ST3GAL1: variants seen among roughly 807,000 people sequenced by gnomAD.
ST3GAL1 encodes the protein ST3 beta-galactoside alpha-2,3-sialyltransferase 1, also known as CMP-N-acetylneuraminate-beta-galactosamide-alpha-2,3-sialyltransferase 1.
ST3GAL1 carries 16 observed loss-of-function variants against 34.1 expected under a neutral mutation model. The ratio of observed to expected loss-of-function variants is 0.47; its 90% CI spans 0.32 to 0.71. ST3GAL1 has a LOEUF of 0.71. Among genes scored for constraint, ST3GAL1 ranks in the 30% least tolerant of loss-of-function variants. ST3GAL1 has a pLI of 0.04. For synonymous variants in ST3GAL1, 191 were observed against 184.7 expected, an observed-to-expected ratio of 1.03 and a Z score of -0.28; for missense variants, 353 against 447.4, an observed-to-expected ratio of 0.79 and a Z score of 1.90.
rs1416929270 is a variant in ST3GAL1 at position 133,531,594 on chromosome 8, G to T, written c.-429+14180C>A. Reference sequence around the variant, plus strand: ...TGACCCCAGGCAGCCTGCTTAAAAAGCCATGTTCTTCTCCAGTGAAAACAC... The same window carrying T: ...TGACCCCAGGCAGCCTGCTTAAAAATCCATGTTCTTCTCCAGTGAAAACAC... On this transcript the variant is annotated intron_variant, in intron 2 of 9. Coordinates refer to ENST00000522652, the MANE Select transcript of ST3GAL1 (RefSeq NM_173344.3). Among the ~76,000 whole-genome samples the T allele has an allele frequency of 2.0e-5, 3 of 152,036 alleles. No homozygotes were observed. In the East Asian group the frequency reaches 5.8e-4, roughly 29 times the overall value.
chr8:133,548,499 GC>G (rs1405620360), intron 1 of ST3GAL1, among the ~76,000 whole-genome samples: 2 of 152,244 alleles, frequency 1.3e-5, no homozygotes, highest in African/African-American at 2.4e-5. Context: ...GGGCATGTCT[GC>G]CCTACATACC....
At chr8:133,507,382 G>A (rs1045972861) in intron 2 of ST3GAL1, among the ~76,000 whole-genome samples, 1 of 152,254 alleles carries the variant, frequency 6.6e-6, no homozygotes, top group Non-Finnish European at 1.5e-5. Context: ...CACAACCCAC[G>A]CCCATGGCGA....
chr8:133,538,744 A>G (rs951503161), intron 2 of ST3GAL1, among the ~76,000 whole-genome samples: 1 of 152,180 alleles, frequency 6.6e-6, no homozygotes, highest in Admixed American at 6.5e-5. Context: ...ATATTATTCC[A>G]TTCTGCGGCT....
chr8:133,519,655 A>C (rs1817744775), intron 2 of ST3GAL1, among the ~76,000 whole-genome samples: 1 of 152,178 alleles, frequency 6.6e-6, no homozygotes, highest in Admixed American at 6.5e-5. Flanking sequence ...TTAAGAACTC[A>C]GTAAAGGAGG....
Position 133,457,751 on chromosome 8 carries a change from G to C in ST3GAL1, c.*2013C>G, listed in dbSNP as rs1372967720. The C allele has an allele frequency of 1.3e-5, 2 of 152,120 alleles. No individual in the cohort carries two copies. The highest frequency in any genetic ancestry group is 2.9e-5 in the Non-Finnish European group (2 of 68,042). 9.4% of individuals were successfully genotyped at this position (152,120 alleles called of 1,614,324 possible). A position where few individuals can be genotyped will look rare whatever the true frequency, so the allele number is the denominator to read the frequency against. ...AACCAAACTTGGCACGCAACTTCCG[G>C]GGACTCTTGTGAATGGCCTGAAGCC... is the stretch of plus-strand genomic sequence containing the variant. On this transcript the variant is annotated 3_prime_UTR_variant, in exon 10 of 10. Transcript: ENST00000522652.
chr8:133,476,238 C>T (rs942389985), intron 4 of ST3GAL1, 40 bp downstream of exon 4: 42 of 491,786 alleles, frequency 8.5e-5, no homozygotes, highest in African/African-American at 6.8e-4. Flanking sequence ...GGTAGACCAA[C>T]GCCATTCGTG....
chr8:133,524,969 C>T (rs1459917956), intron 2 of ST3GAL1, among the ~76,000 whole-genome samples: 1 of 152,258 alleles, frequency 6.6e-6, no homozygotes, highest in African/African-American at 2.4e-5. Context: ...CAGCTCTTCT[C>T]TCCTTCTTGT....
intron 3 of ST3GAL1, among the ~76,000 whole-genome samples, chr8:133,484,243 A>G (rs1816498169): frequency 6.6e-6 from 1 of 152,156 alleles, no homozygotes; most frequent in South Asian, 2.1e-4. Flanking sequence ...CGTCTACCTC[A>G]TCAGGCTCAG....
At chr8:133,535,556 G>A (rs1366741676) in intron 2 of ST3GAL1, among the ~76,000 whole-genome samples, 2 of 137,924 alleles carry the variant, frequency 1.5e-5, no homozygotes, top group African/African-American at 7.0e-5. Flanking sequence ...GTCTCGCTCT[G>A]TCAAGTTCTG....
At chr8:133,564,649 T>A (rs1031438804) in intron 1 of ST3GAL1, among the ~76,000 whole-genome samples, 10 of 152,202 alleles carry the variant, frequency 6.6e-5, no homozygotes, top group African/African-American at 2.4e-4. Context: ...GAATGCTGAA[T>A]AGGTTAAAAG....
intron 7 of ST3GAL1, among the ~76,000 whole-genome samples, 198 bp from the exon 8 acceptor site, chr8:133,463,657 C>T (rs1190618731): frequency 2.6e-5 from 4 of 152,154 alleles, no homozygotes; most frequent in Non-Finnish European, 2.9e-5. Flanking sequence ...CACCAGAGGA[C>T]GGCCTTTCCT....
intron 3 of ST3GAL1, among the ~76,000 whole-genome samples, chr8:133,485,803 A>G (rs1816569489): frequency 1.3e-5 from 2 of 151,090 alleles, no homozygotes; most frequent in Admixed American, 6.6e-5. Context: ...GGGGGATAGA[A>G]GGTCGGGAGT....
chr8:133,557,132 G>A (rs1819061143), intron 1 of ST3GAL1, among the ~76,000 whole-genome samples: 1 of 152,182 alleles, frequency 6.6e-6, no homozygotes, highest in East Asian at 1.9e-4. Context: ...CAGTGAATGG[G>A]CCTAGAATGA....
At chr8:133,548,166 T>C (rs1483093703) in intron 1 of ST3GAL1, among the ~76,000 whole-genome samples, 2 of 152,158 alleles carry the variant, frequency 1.3e-5, no homozygotes, top group Non-Finnish European at 2.9e-5. Flanking sequence ...GAAATGAGAA[T>C]TAAGGCACGA....
intron 2 of ST3GAL1, among the ~76,000 whole-genome samples, chr8:133,517,664 T>G (rs1264543785): frequency 1.3e-5 from 2 of 152,210 alleles, no homozygotes; most frequent in African/African-American, 2.4e-5. Context: ...CTTGGGCACT[T>G]TGTGTCCATC....
intron 3 of ST3GAL1, among the ~76,000 whole-genome samples, chr8:133,481,393 ATC>A (rs1390544923): frequency 1.3e-5 from 2 of 152,192 alleles, no homozygotes; most frequent in Non-Finnish European, 2.9e-5. Flanking sequence ...ACAGGCTCCT[ATC>A]TCCAATTTCT....
At chr8:133,480,177 C>T (rs1347951444) in intron 3 of ST3GAL1, among the ~76,000 whole-genome samples, 1 of 152,204 alleles carries the variant, frequency 6.6e-6, no homozygotes, top group Admixed American at 6.5e-5. Context: ...ATGCTCAATA[C>T]GAGGAGGCAT....
chr8:133,536,086 T>G lies in ST3GAL1; in HGVS notation c.-429+9688A>C, dbSNP rs1003070759. 2.6e-4 allele frequency among the ~76,000 whole-genome samples: 39 copies of G among 152,192 alleles called. 1 individual carries two copies. The highest frequency in any genetic ancestry group is 1.5e-5 in the Non-Finnish European group (1 of 68,040). On this transcript the variant is annotated intron_variant, in intron 2 of 9. Coordinates refer to ENST00000522652, the MANE Select transcript of ST3GAL1 (RefSeq NM_173344.3). ...GGAAACTGAGATCAAGAGAAGATAC[T>G]GTATCCAAGGTGGCAAAAGAAGCAG...
chr8:133,550,574 G>T (rs926145663), intron 1 of ST3GAL1, among the ~76,000 whole-genome samples: 10 of 152,130 alleles, frequency 6.6e-5, no homozygotes, highest in African/African-American at 2.4e-4. Flanking sequence ...TCCTGTTCCA[G>T]CCCATTCATC....
Sources: gnomAD v4.1 joint callset for allele counts (sites outside exome capture counted in the v4.1 genomes callset) on GRCh38, gnomAD v4.1.1 for gene constraint, MANE v1.5 for transcripts, NCBI Gene and HGNC (gene_info 2026-07-23, HGNC 2026-07-21) for gene names.